The following UNC79 variants were observed in gnomAD, a reference collection of about 807,000 sequenced individuals.
The protein encoded by UNC79 is protein unc-79 homolog.
UNC79 carries 37 observed loss-of-function variants against 283.1 expected under a neutral mutation model. That is an observed-to-expected ratio of 0.13 (90% CI 0.10 to 0.17). The LOEUF (loss-of-function observed/expected upper bound fraction) is 0.17, where lower values mean the gene tolerates loss of function less well. Ranked by LOEUF, UNC79 falls within the 10% of genes least tolerant of loss-of-function variation. UNC79 has a pLI of 1.00. For missense variants in UNC79, 2,272 were observed against 3,211.1 expected (o/e 0.71, Z 7.07); for synonymous variants, 1,107 against 1,200.2 (o/e 0.92, Z 1.61).
intron 1 of UNC79, among the ~76,000 whole-genome samples, chr14:93,465,661 G>A (rs2057146385): frequency 6.6e-6 from 1 of 152,170 alleles, no homozygotes; most frequent in Non-Finnish European, 1.5e-5. Flanking sequence ...TGTAGTGATG[G>A]TTTTATAGCT....
intron 30 of UNC79, among the ~76,000 whole-genome samples, chr14:93,623,507 G>A (rs1019787449): frequency 6.6e-6 from 1 of 152,208 alleles, no homozygotes; most frequent in Non-Finnish European, 1.5e-5. Context: ...GAAATGGCAA[G>A]CCCATGATCC....
chr14:93,611,929 T>C lies in UNC79; in HGVS notation c.3755-868T>C, dbSNP rs78538545. On this transcript the variant is annotated intron_variant, in intron 26 of 48. Transcript: ENST00000555664. ...AATATCAGTCTTCCTTCTCCCAAAGTCCTGAACCAAACCTGATAAGAAGGG... is the reference window on the plus strand; with the variant it reads ...AATATCAGTCTTCCTTCTCCCAAAGCCCTGAACCAAACCTGATAAGAAGGG... 4.8e-4 allele frequency among the ~76,000 whole-genome samples: 73 copies of C among 151,702 alleles called. 3 individuals carry two copies. The East Asian group carries it at 0.011, about 24-fold the overall frequency.
intron 1 of UNC79, among the ~76,000 whole-genome samples, chr14:93,400,433 T>C (rs1377426684): frequency 6.6e-6 from 1 of 152,072 alleles, no homozygotes; most frequent in Non-Finnish European, 1.5e-5. Flanking sequence ...TAGTTAAATA[T>C]GGTATAAATT....
At chr14:93,472,336 G>A (rs1002680835) in intron 2 of UNC79, among the ~76,000 whole-genome samples, 1 of 152,028 alleles carries the variant, frequency 6.6e-6, no homozygotes, top group Non-Finnish European at 1.5e-5. Context: ...TATAAAGTCT[G>A]ATGAAAAATC....
chr14:93,537,742 T>G (rs1420388840), intron 11 of UNC79, among the ~76,000 whole-genome samples: 1 of 152,180 alleles, frequency 6.6e-6, no homozygotes, highest in East Asian at 1.9e-4. Flanking sequence ...ACACAGGGCT[T>G]CCCAACACAA....
chr14:93,450,206 A>G (rs550042780), intron 1 of UNC79, among the ~76,000 whole-genome samples: 2 of 152,292 alleles, frequency 1.3e-5, no homozygotes, highest in African/African-American at 4.8e-5. Flanking sequence ...GCTCAACATG[A>G]CCTGCCTCTA....
intron 1 of UNC79, among the ~76,000 whole-genome samples, chr14:93,360,199 T>C (rs1403871200): frequency 6.6e-6 from 1 of 152,192 alleles, no homozygotes; most frequent in Non-Finnish European, 1.5e-5. Context: ...GCTCCCTGAC[T>C]GGTAGGATGA....
chr14:93,427,389 A>C (rs924690218), upstream of UNC79, among the ~76,000 whole-genome samples: 3 of 152,172 alleles, frequency 2.0e-5, no homozygotes, highest in Non-Finnish European at 4.4e-5. Context: ...TTAAGTTTTA[A>C]AAAGATATGT....
chr14:93,477,318 G>C (rs1042222627), intron 3 of UNC79, among the ~76,000 whole-genome samples: 1 of 152,092 alleles, frequency 6.6e-6, no homozygotes, highest in Non-Finnish European at 1.5e-5. Context: ...GAGAAAGTGT[G>C]GAGGAAAAAT....
exon 12 of UNC79, chr14:93,538,009 A>G: frequency 6.2e-7 from 1 of 1,613,558 alleles, no homozygotes; most frequent in Non-Finnish European, 8.5e-7. Context: ...CCCACGTTAG[A>G]AGAGCAGTTG....
At chr14:93,519,557 C>G (rs189453896) in intron 7 of UNC79, among the ~76,000 whole-genome samples, 2 of 151,852 alleles carry the variant, frequency 1.3e-5, no homozygotes, top group Admixed American at 1.3e-4. Flanking sequence ...GAATTGAAGC[C>G]TATCATGATA....
intron 1 of UNC79, among the ~76,000 whole-genome samples, chr14:93,388,218 C>T (rs1309413341): frequency 4.6e-5 from 7 of 151,984 alleles, no homozygotes; most frequent in African/African-American, 1.7e-4. Context: ...CTCAAGCGAT[C>T]CTTCTGGCTA....
intron 31 of UNC79, chr14:93,634,535 A>T: frequency 1.2e-6 from 2 of 1,614,118 alleles, no homozygotes; most frequent in Non-Finnish European, 1.7e-6. Context: ...GTATAGGCAG[A>T]TGAAAAGGGG....
intron 7 of UNC79, among the ~76,000 whole-genome samples, chr14:93,520,223 G>A (rs985924978): frequency 5.9e-5 from 9 of 151,900 alleles, no homozygotes; most frequent in East Asian, 1.9e-4. Flanking sequence ...TAAAGATGTC[G>A]TTCCATTGTC....
At chr14:93,575,117 T>C (rs1484660869) in exon 17 of UNC79, 1 of 1,613,996 alleles carries the variant, frequency 6.2e-7, no homozygotes, top group East Asian at 2.2e-5. Flanking sequence ...TGTTTTCTGA[T>C]GGAGTTAATT....
chr14:93,704,673 C>A lies in UNC79; in HGVS notation c.7590+7C>A. 1 of 1,614,170 alleles carries A rather than the reference C, an allele frequency of 6.2e-7. No individual in the cohort carries two copies. Among genetic ancestry groups the A allele is most frequent in the Non-Finnish European group, 8.5e-7 (1 of 1,180,014 alleles). ...GATTCAGTCAAATATCAAGGTAAGT[C>A]ACTCCCTGGGCTGATTGGAAGCTCG... On this transcript the variant is annotated splice_region_variant and intron_variant, in intron 48 of 48. Transcript: ENST00000555664.
At chr14:93,583,874 C>T (rs1387220724) in intron 20 of UNC79, among the ~76,000 whole-genome samples, 2 of 150,354 alleles carry the variant, frequency 1.3e-5, no homozygotes, top group African/African-American at 4.9e-5. Context: ...AGCCCGATCA[C>T]GGCTCACTCC....
In UNC79 at chr14:93,621,896, A is replaced by G; in HGVS notation, c.4663A>G (p.Arg1555Gly). The change falls in exon 30 of 49, where the codon AGG becomes GGG. Residue 1555 changes from arginine to glycine, a missense_variant. Around this residue, in one of 11 missense-constraint regions of UNC79, gnomAD observed 580 missense variants for 632.2 expected, o/e 0.92. Transcript: ENST00000555664. This position sits in a 1 kb window ranked among gnomAD's most constrained non-coding sequence, Gnocchi z 4.8. ...ACGTTCTAGACAGAACTCTGCTACG[A>G]GGCCTGACAATAGTGAAATCCCCGA... is the stretch of plus-strand genomic sequence containing the variant. 1 of 1,614,140 alleles carries G rather than the reference A, an allele frequency of 6.2e-7. No homozygotes were observed. Among genetic ancestry groups the G allele is most frequent in the South Asian group, 1.1e-5 (1 of 91,072 alleles).
At chr14:93,533,031 A>T (rs150734222) in intron 11 of UNC79, among the ~76,000 whole-genome samples, 5 of 152,296 alleles carry the variant, frequency 3.3e-5, no homozygotes, top group Admixed American at 3.3e-4. Context: ...AAGTTGAACA[A>T]TACATGTAGC....
Sources: gnomAD v4.1 joint callset for allele counts (sites outside exome capture counted in the v4.1 genomes callset) on GRCh38, gnomAD v4.1.1 for gene constraint, gnomAD v4.1.1 regional missense constraint, Gnocchi (gnomAD v3.1) non-coding constraint, MANE v1.5 for transcripts, NCBI Gene and HGNC (gene_info 2026-07-23, HGNC 2026-07-21) for gene names.